BSN: variants seen among roughly 807,000 people sequenced by gnomAD.
The protein encoded by BSN is protein bassoon.
Under a neutral mutation model 264.8 loss-of-function variants are expected in BSN, and 57 were observed. The ratio of observed to expected loss-of-function variants is 0.22; its 90% CI spans 0.17 to 0.27. The LOEUF (loss-of-function observed/expected upper bound fraction) is 0.27. Among genes scored for constraint, BSN ranks in the 10% least tolerant of loss-of-function variants. The probability of loss-of-function intolerance (pLI) is 1.00; values close to 1 mark genes in which losing one functional copy is unlikely to be tolerated. For synonymous variants in BSN, 2,059 were observed against 2,137.3 expected (o/e 0.96, Z 1.01); for missense variants, 4,615 against 5,232.5 (o/e 0.88, Z 3.64).
At chr3:49,645,145 C>T (rs1391096052) in intron 3 of BSN, among the ~76,000 whole-genome samples, 1 of 152,198 alleles carries the variant, frequency 6.6e-6, no homozygotes, top group Non-Finnish European at 1.5e-5. Flanking sequence ...TGATGGGTCC[C>T]ATGGGCCTGA....
intron 1 of BSN, among the ~76,000 whole-genome samples, chr3:49,581,694 C>T (rs1435174219): frequency 1.3e-5 from 2 of 151,848 alleles, no homozygotes; most frequent in Admixed American, 6.6e-5. Context: ...CATGGTGGCA[C>T]GCGCCTGTAG....
intron 1 of BSN, among the ~76,000 whole-genome samples, chr3:49,598,617 G>A (rs1024877466): frequency 6.6e-6 from 1 of 151,736 alleles, no homozygotes; most frequent in African/African-American, 2.4e-5. Context: ...TTCTAGAGAG[G>A]GTCTCACTAT....
chr3:49,617,192 A>G (rs1311346263), intron 1 of BSN, among the ~76,000 whole-genome samples: 2 of 151,982 alleles, frequency 1.3e-5, no homozygotes, highest in South Asian at 4.1e-4. Flanking sequence ...AGGTGTAGCA[A>G]ACCACCATGG....
intron 1 of BSN, among the ~76,000 whole-genome samples, chr3:49,596,722 G>A (rs539397494): frequency 3.3e-5 from 5 of 152,192 alleles, no homozygotes; most frequent in Non-Finnish European, 7.4e-5. Context: ...AGTCACAGAC[G>A]TGATCATAGC....
At position 49,633,097 on chromosome 3, in the gene BSN, A is replaced by T. The variant is rs547039560; in HGVS notation, c.633+7714A>T. On this transcript the variant is annotated intron_variant, in intron 2 of 11. Transcript: ENST00000296452. ...TGAGGCGGGTGGATCACCTGAGGTC[A>T]AGAGTTTGAGACTGGCCAACATGGA... Among the ~76,000 whole-genome samples the T allele has an allele frequency of 2.0e-5, 3 of 152,174 alleles. No homozygotes were observed. In the South Asian group the frequency reaches 6.2e-4, roughly 32 times the overall value.
chr3:49,657,227 C>G lies in BSN; in HGVS notation c.7671C>G (p.His2557Gln). The change falls in exon 5 of 12, where the codon CAC (histidine) becomes CAG (glutamine). Residue 2557 changes from histidine to glutamine, a missense_variant. Physicochemically the swap from His to Gln is conservative, Grantham distance 24. Coordinates refer to ENST00000296452, the MANE Select transcript of BSN (RefSeq NM_003458.4). ...EASRSGIKKR[H>Q]SMPRLRDACE... ...GCCGTAGTGGCATCAAGAAGCGGCA[C>G]TCCATGCCACGCCTGCGGGATGCCT... 1 of 1,613,490 alleles carries G rather than the reference C, an allele frequency of 6.2e-7. No individual in the cohort carries two copies. Among genetic ancestry groups the G allele is most frequent in the Non-Finnish European group, 8.5e-7 (1 of 1,180,034 alleles).
intron 1 of BSN, among the ~76,000 whole-genome samples, chr3:49,571,021 C>G (rs553111444): frequency 6.6e-6 from 1 of 152,330 alleles, no homozygotes; most frequent in South Asian, 2.1e-4. Context: ...GGGCCTCAGT[C>G]ACACTCCTTC....
chr3:49,617,909 T>G (rs2052273977), intron 1 of BSN, among the ~76,000 whole-genome samples: 3 of 152,156 alleles, frequency 2.0e-5, no homozygotes, highest in Admixed American at 2.0e-4. Flanking sequence ...CTCATAGGTG[T>G]AGCCTTTCTT....
In BSN at chr3:49,642,474, G is replaced by A. The variant is rs1167248364; in HGVS notation, c.840G>A (p.Glu280=). The A allele has an allele frequency of 3.2e-6, 5 of 1,582,082 alleles. No homozygotes were observed. In the Admixed American group the frequency reaches 9.1e-5, roughly 29 times the overall value. The change falls in exon 3 of 12, where the codon GAG becomes GAA. Residue 280 remains glutamate, a synonymous_variant. Transcript: ENST00000296452. The surrounding 1 kb of genome is among the most constrained non-coding windows in gnomAD (Gnocchi z 7.0). ...GGPQPGSRQA[E]TARATSVPGP... is the part of the protein sequence containing the mutation. ...CACAGCCTGGGTCCCGCCAGGCTGA[G>A]ACAGCCAGGGCCACCTCAGTGCCGG...
chr3:49,592,123 T>G (rs942948364), intron 1 of BSN, among the ~76,000 whole-genome samples: 1 of 151,896 alleles, frequency 6.6e-6, no homozygotes, highest in Non-Finnish European at 1.5e-5. Context: ...TATTTATTTA[T>G]TTTTTTGAGA....
chr3:49,619,390 C>T (rs532546061), intron 1 of BSN, among the ~76,000 whole-genome samples: 1 of 152,304 alleles, frequency 6.6e-6, no homozygotes, highest in South Asian at 2.1e-4. Flanking sequence ...ATCCAAAGAA[C>T]CCAAACTGCA....
rs1398369447 is a variant in BSN at position 49,660,469 on chromosome 3, C to T, written c.8641-17C>T. 10 of 1,525,634 alleles carry T rather than the reference C, an allele frequency of 6.6e-6. No individual in the cohort carries two copies. Among genetic ancestry groups the T allele is most frequent in the Non-Finnish European group, 8.8e-6 (10 of 1,137,228 alleles). 94.5% of individuals were successfully genotyped at this position (1,525,634 alleles called of 1,614,324 possible). A position where few individuals can be genotyped will look rare whatever the true frequency, so the allele number is the denominator to read the frequency against. Reference sequence around the variant, plus strand: ...CACCTTGGGTCTCAGTGCTGCCCACCCTTCCCTCTGTCTCAGGTGTCGGCG... The same window carrying T: ...CACCTTGGGTCTCAGTGCTGCCCACTCTTCCCTCTGTCTCAGGTGTCGGCG... On this transcript the variant is annotated splice_polypyrimidine_tract_variant and intron_variant, in intron 5 of 11. Coordinates refer to ENST00000296452, the MANE Select transcript of BSN (RefSeq NM_003458.4). The surrounding 1 kb of genome is among the most constrained non-coding windows in gnomAD (Gnocchi z 7.1).
Position 49,625,224 on chromosome 3 carries a change from C to T in BSN, c.474C>T (p.Val158=). The T allele has an allele frequency of 6.3e-7, 1 of 1,585,614 alleles. No individual in the cohort carries two copies. Among genetic ancestry groups the T allele is most frequent in the Non-Finnish European group, 8.6e-7 (1 of 1,166,684 alleles). ...RGSTPTSPYS[V]PQIAPLPSST... Reference sequence around the variant, plus strand: ...GCACCCCCACATCACCCTACTCCGTCCCTCAGATCGCCCCCCTTCCCAGCA... The same window carrying T: ...GCACCCCCACATCACCCTACTCCGTTCCTCAGATCGCCCCCCTTCCCAGCA... The change falls in exon 2 of 12, where the codon GTC becomes GTT. Residue 158 remains valine (V), a synonymous_variant. Coordinates refer to ENST00000296452, the MANE Select transcript of BSN (RefSeq NM_003458.4). The surrounding 1 kb of genome is among the most constrained non-coding windows in gnomAD (Gnocchi z 4.4).
At chr3:49,562,340 A>T (rs2051717917) in intron 1 of BSN, among the ~76,000 whole-genome samples, 1 of 152,176 alleles carries the variant, frequency 6.6e-6, no homozygotes, top group Non-Finnish European at 1.5e-5. Context: ...AAGTGTGAGG[A>T]ATAAAAGAAG....
chr3:49,560,333 G>T (rs1270327333), intron 1 of BSN, among the ~76,000 whole-genome samples: 1 of 152,214 alleles, frequency 6.6e-6, no homozygotes, highest in Admixed American at 6.5e-5. Context: ...AACTGTGAAG[G>T]TAGGTTGGCA....
chr3:49,622,777 AG>A (rs2052315582), intron 1 of BSN, among the ~76,000 whole-genome samples: 1 of 152,200 alleles, frequency 6.6e-6, no homozygotes, highest in African/African-American at 2.4e-5. Context: ...GTATACTGAA[AG>A]GGCCCAGAGA....
chr3:49,571,037 C>T (rs868398459), intron 1 of BSN, among the ~76,000 whole-genome samples: 1 of 152,212 alleles, frequency 6.6e-6, no homozygotes, highest in Non-Finnish European at 1.5e-5. Context: ...CCTTCAGCTT[C>T]CTTTTCCTTA....
Position 49,651,866 on chromosome 3 carries a change from C to A in BSN, c.2310C>A (p.Ala770=). 1 of 1,614,030 alleles carries A rather than the reference C, an allele frequency of 6.2e-7. No homozygotes were observed. Among genetic ancestry groups the A allele is most frequent in the South Asian group, 1.1e-5 (1 of 91,086 alleles). ...ACTCCTTGTCCATCACGCCTGAGGCCTTTGACTCTGATGAGGAGCTGGAGG... is the reference window on the plus strand; with the variant it reads ...ACTCCTTGTCCATCACGCCTGAGGCATTTGACTCTGATGAGGAGCTGGAGG... The part of the protein sequence containing the change: ...RPHSLSITPE[A]FDSDEELEDI... The change falls in exon 5 of 12, where the codon GCC becomes GCA. Residue 770 remains alanine, a synonymous_variant. Transcript: ENST00000296452. This position sits in a 1 kb window ranked among gnomAD's most constrained non-coding sequence, Gnocchi z 5.4.
At chr3:49,587,865 A>C (rs1184325815) in intron 1 of BSN, among the ~76,000 whole-genome samples, 2 of 118,510 alleles carry the variant, frequency 1.7e-5, no homozygotes, top group East Asian at 5.4e-4. Flanking sequence ...TCATTTTGTT[A>C]CTTGGGCAGG....
Sources: allele counts gnomAD v4.1 joint callset (sites outside exome capture counted in the v4.1 genomes callset), GRCh38; gene constraint gnomAD v4.1.1; non-coding constraint Gnocchi (gnomAD v3.1); transcripts MANE v1.5; gene names NCBI Gene and HGNC (gene_info 2026-07-23, HGNC 2026-07-21).